UVRAG: variants seen among roughly 807,000 people sequenced by gnomAD.
UVRAG encodes the protein UV radiation resistance associated, also known as UV radiation resistance-associated gene protein.
A neutral mutation model predicts 78.0 loss-of-function variants in UVRAG; 19 were observed. The observed-to-expected ratio is 0.24, with a 90% confidence interval of 0.17 to 0.36. UVRAG has a LOEUF of 0.36. UVRAG is among the 10% of genes least tolerant of loss of function. The pLI, the probability that UVRAG is intolerant of heterozygous loss-of-function variation, is 1.00. For missense variants in UVRAG, 740 were observed against 853.8 expected, an observed-to-expected ratio of 0.87 and a Z score of 1.66; for synonymous variants, 323 against 324.6, an observed-to-expected ratio of 1.00 and a Z score of 0.05.
chr11:75,851,584 GA>G (rs1346130974), intron 1 of UVRAG, among the ~76,000 whole-genome samples: 1 of 152,192 alleles, frequency 6.6e-6, no homozygotes. Context: ...ATGTTCCAGG[GA>G]ATACTAATGC....
chr11:76,115,551 T>G (rs902271498), intron 13 of UVRAG, among the ~76,000 whole-genome samples: 1 of 152,202 alleles, frequency 6.6e-6, no homozygotes, highest in Non-Finnish European at 1.5e-5. Context: ...TATATGTCCC[T>G]GGAGTTGGTG....
intron 6 of UVRAG, among the ~76,000 whole-genome samples, chr11:75,928,018 C>G (rs1306470334): frequency 6.6e-6 from 1 of 152,038 alleles, no homozygotes; most frequent in East Asian, 1.9e-4. Flanking sequence ...TGGAGGATCC[C>G]TTGAGCCCAG....
At chr11:75,953,588 T>G (rs1329255323) in intron 6 of UVRAG, among the ~76,000 whole-genome samples, 1 of 152,206 alleles carries the variant, frequency 6.6e-6, no homozygotes, top group Non-Finnish European at 1.5e-5. Flanking sequence ...TGATGTCATA[T>G]GATCAATATT....
chr11:75,948,090 AT>A (rs1372868475), intron 6 of UVRAG, among the ~76,000 whole-genome samples: 2 of 152,188 alleles, frequency 1.3e-5, no homozygotes, highest in African/African-American at 4.8e-5. Context: ...CAAGCAAAGA[AT>A]AACATCTAAT....
In UVRAG at chr11:75,886,623, A is replaced by G. The variant is rs143075533; in HGVS notation, c.433-2206A>G. Among the ~76,000 whole-genome samples the G allele has an allele frequency of 1.3e-3, 192 of 152,278 alleles. 1 individual carries two copies. Among genetic ancestry groups the G allele is most frequent in the African/African-American group, 4.3e-3 (179 of 41,560 alleles). On this transcript the variant is annotated intron_variant, in intron 4 of 14. Coordinates refer to ENST00000356136, the MANE Select transcript of UVRAG (RefSeq NM_003369.4). ...TATGATTGCAGACTTATCTTTTGGTATTGTATTCAGTTCAGTAAATGATGT... is the reference window on the plus strand; with the variant it reads ...TATGATTGCAGACTTATCTTTTGGTGTTGTATTCAGTTCAGTAAATGATGT...
intron 13 of UVRAG, among the ~76,000 whole-genome samples, chr11:76,070,663 G>A (rs538053288): frequency 2.0e-5 from 3 of 152,264 alleles, no homozygotes; most frequent in South Asian, 4.1e-4. Context: ...TGTGTGCTGT[G>A]TACGCTGAGT....
chr11:75,923,172 TTG>T (rs1948017000), intron 6 of UVRAG, among the ~76,000 whole-genome samples: 1 of 151,820 alleles, frequency 6.6e-6, no homozygotes, highest in African/African-American at 2.4e-5. Flanking sequence ...CTTAATGCTT[TTG>T]TTAGGATTGG....
chr11:76,116,158 C>A, intron 14 of UVRAG, 143 bp downstream of exon 14: 1 of 801,824 alleles, frequency 1.2e-6, no homozygotes, highest in Non-Finnish European at 2.0e-6. Context: ...GGCGCCATCA[C>A]AGTTGGGGAG....
intron 1 of UVRAG, among the ~76,000 whole-genome samples, chr11:75,828,774 T>TACACACACATATATATATATATATATAC (rs1310114865): frequency 9.9e-6 from 1 of 100,856 alleles, no homozygotes; most frequent in Non-Finnish European, 2.0e-5. Flanking sequence ...TATATATATA[T>TACACACACATATATATATATATATATAC]ACACACATAT....
chr11:76,031,330 A>G (rs1312307202), intron 12 of UVRAG, among the ~76,000 whole-genome samples: 1 of 152,236 alleles, frequency 6.6e-6, no homozygotes, highest in African/African-American at 2.4e-5. Flanking sequence ...ATAAAAATGC[A>G]GAAGGTGGCT....
chr11:75,929,326 G>C (rs1355065233), intron 6 of UVRAG, among the ~76,000 whole-genome samples: 2 of 152,142 alleles, frequency 1.3e-5, no homozygotes, highest in African/African-American at 4.8e-5. Context: ...GTTGTTAGTA[G>C]ACCTTGTGTT....
At chr11:76,048,649 A>G (rs968072383) in intron 12 of UVRAG, among the ~76,000 whole-genome samples, 5 of 152,176 alleles carry the variant, frequency 3.3e-5, no homozygotes, top group East Asian at 1.9e-4. Flanking sequence ...TCCTTTTGCA[A>G]TTTTATCATT....
At chr11:75,827,039 C>G (rs975059954) in intron 1 of UVRAG, among the ~76,000 whole-genome samples, 1 of 152,034 alleles carries the variant, frequency 6.6e-6, no homozygotes, top group African/African-American at 2.4e-5. Flanking sequence ...TGCAGTCAGA[C>G]ATTTTTGAAA....
chr11:76,108,746 G>A lies in UVRAG; in HGVS notation c.1306-7178G>A, dbSNP rs954121344. 4.6e-5 allele frequency among the ~76,000 whole-genome samples: 7 copies of A among 152,088 alleles called. No homozygotes were observed. The South Asian group carries it at 6.2e-4, about 13-fold the overall frequency. The stretch of plus-strand genomic sequence containing the variant: ...GGTTTTCTTTCTTTTTGCTTGTTCC[G>A]GTAACTATAAAGCCAGATCTTCCTG... On this transcript the variant is annotated intron_variant, in intron 13 of 14. Transcript: ENST00000356136.
intron 12 of UVRAG, among the ~76,000 whole-genome samples, chr11:76,022,315 T>C (rs1950258608): frequency 6.6e-6 from 1 of 152,228 alleles, no homozygotes; most frequent in African/African-American, 2.4e-5. Context: ...TGGTTTATGA[T>C]GTTCTCAAGT....
chr11:76,056,928 C>T (rs1950995279), intron 12 of UVRAG, among the ~76,000 whole-genome samples: 1 of 152,144 alleles, frequency 6.6e-6, no homozygotes, highest in Admixed American at 6.6e-5. Flanking sequence ...GCTAGAATGA[C>T]AGGAAAGTGT....
chr11:76,065,483 T>C (rs1452652887), intron 12 of UVRAG, among the ~76,000 whole-genome samples: 1 of 152,218 alleles, frequency 6.6e-6, no homozygotes, highest in East Asian at 1.9e-4. Context: ...TAAACATTAG[T>C]TCCTTGTTCT....
chr11:76,040,339 G>A (rs1308612487), intron 12 of UVRAG, among the ~76,000 whole-genome samples: 1 of 151,834 alleles, frequency 6.6e-6, no homozygotes, highest in African/African-American at 2.4e-5. Flanking sequence ...CGGGCATGGT[G>A]GCGGGCGCCT....
intron 1 of UVRAG, among the ~76,000 whole-genome samples, chr11:75,829,854 T>A (rs1265237656): frequency 6.6e-6 from 1 of 152,258 alleles, no homozygotes; most frequent in East Asian, 1.9e-4. Context: ...CTTTTTACTT[T>A]TTTGAGACGA....
Sources: gnomAD v4.1 joint callset for allele counts (sites outside exome capture counted in the v4.1 genomes callset) on GRCh38, gnomAD v4.1.1 for gene constraint, MANE v1.5 for transcripts, NCBI Gene and HGNC (gene_info 2026-07-23, HGNC 2026-07-21) for gene names.